Variants in KPNA3 observed in about 807,000 individuals in gnomAD.
KPNA3 encodes karyopherin subunit alpha 3, also known as importin subunit alpha-4.
A neutral mutation model predicts 73.8 loss-of-function variants in KPNA3; 13 were observed. The ratio of observed to expected loss-of-function variants is 0.18; its 90% CI spans 0.11 to 0.28. The LOEUF (loss-of-function observed/expected upper bound fraction) is 0.28, where lower values mean the gene tolerates loss of function less well. KPNA3 is among the 10% of genes least tolerant of loss of function. The probability of loss-of-function intolerance (pLI) is 1.00; values close to 1 mark genes in which losing one functional copy is unlikely to be tolerated. For missense variants in KPNA3, 360 were observed against 618.1 expected, an observed-to-expected ratio of 0.58 and a Z score of 4.43; for synonymous variants, 186 against 206.9, an observed-to-expected ratio of 0.90 and a Z score of 0.87.
At chr13:49,763,441 G>A (rs537580706) in intron 1 of KPNA3, among the ~76,000 whole-genome samples, 1 of 152,234 alleles carries the variant, frequency 6.6e-6, no homozygotes, top group Admixed American at 6.5e-5. Context: ...ATACAAAACA[G>A]TGTTTGTTTG....
At chr13:49,732,858 TTTCA>T (rs1171076144) in intron 3 of KPNA3, 82 bp from the exon 4 acceptor site, 6 of 1,310,834 alleles carry the variant, frequency 4.6e-6, no homozygotes, top group Non-Finnish European at 5.4e-6. Flanking sequence ...GTTAATATAC[TTTCA>T]TTATCATTAT....
intron 2 of KPNA3, among the ~76,000 whole-genome samples, chr13:49,740,652 CCT>C (rs1373424667): frequency 2.0e-5 from 3 of 152,116 alleles, no homozygotes; most frequent in African/African-American, 4.8e-5. Context: ...GTCCAATAAA[CCT>C]CTTTCTTTTG....
At chr13:49,738,398 T>C (rs143714459) in intron 2 of KPNA3, among the ~76,000 whole-genome samples, 2 of 152,346 alleles carry the variant, frequency 1.3e-5, no homozygotes, top group Non-Finnish European at 2.9e-5. Flanking sequence ...AATATCTTGG[T>C]TGAATTTCAA....
intron 1 of KPNA3, among the ~76,000 whole-genome samples, chr13:49,791,915 C>T (rs143018043): frequency 1.1e-3 from 163 of 152,298 alleles, no homozygotes; most frequent in African/African-American, 3.8e-3. Context: ...CTGGTCCCCA[C>T]CCCCCTCTGC....
At chr13:49,740,761 C>T (rs61961465) in intron 2 of KPNA3, among the ~76,000 whole-genome samples, 3,965 of 152,192 alleles carry the variant, frequency 0.026, 70 homozygotes, top group Middle Eastern at 0.054. Flanking sequence ...TCCCTCCTAT[C>T]TAACTGAAAT....
At chr13:49,762,291 G>A (rs1320952010) in intron 1 of KPNA3, among the ~76,000 whole-genome samples, 1 of 146,230 alleles carries the variant, frequency 6.8e-6, no homozygotes, top group Non-Finnish European at 1.5e-5. Context: ...GGAGGTGGGG[G>A]GTGCCTCTGC....
At chr13:49,713,674 C>CACACAAAAAA (rs563909268) in intron 10 of KPNA3, among the ~76,000 whole-genome samples, 2 of 141,896 alleles carry the variant, frequency 1.4e-5, no homozygotes, top group Non-Finnish European at 3.1e-5. Flanking sequence ...CACACACACA[C>CACACAAAAAA]AAAACAGAAA....
At chr13:49,732,293 G>C in intron 6 of KPNA3, 78 bp downstream of exon 6, 2 of 629,464 alleles carry the variant, frequency 3.2e-6, no homozygotes, top group Non-Finnish European at 2.8e-6. Flanking sequence ...AAACCAAACT[G>C]AACTCACTGG....
At position 49,733,282 on chromosome 13, in the gene KPNA3, G is replaced by GTTTTTTT. The variant is rs760449062; in HGVS notation, c.115-243_115-237dup. Among the ~76,000 whole-genome samples the GTTTTTTT allele has an allele frequency of 5.5e-3, 559 of 100,858 alleles. 19 individuals carry two copies. The highest frequency in any genetic ancestry group is 0.014 in the Middle Eastern group (2 of 138). The allele number at this position is 100,858 out of a possible 152,430, so 66.2% of individuals were successfully genotyped here. ...CACTTCATTAAGCACCCACTGTGGT[G>GTTTTTTT]TTTTTTTTTTTTTTTTTTTTTGGAG... is the stretch of plus-strand genomic sequence containing the variant. On this transcript the variant is annotated intron_variant, in intron 2 of 16. Coordinates refer to ENST00000261667, the MANE Select transcript of KPNA3 (RefSeq NM_002267.4).
At chr13:49,775,166 AAAAAAAAAAAAAAAAAAAAAG>A (rs1198940698) in intron 1 of KPNA3, among the ~76,000 whole-genome samples, 1 of 70,046 alleles carries the variant, frequency 1.4e-5, no homozygotes, top group African/African-American at 4.3e-5. Context: ...CTGTCTCAAA[AAAAAAAAAAAAAAAAAAAAAG>A]AAAAAAGAAA....
chr13:49,706,474 C>T lies in KPNA3; in HGVS notation c.1033-102G>A, dbSNP rs962754031. On this transcript the variant is annotated intron_variant, in intron 12 of 16. Coordinates refer to ENST00000261667, the MANE Select transcript of KPNA3 (RefSeq NM_002267.4). ...GACAATAACAAAATCACCTGAATTA[C>T]GTTAAAGAGACTGCACCTAAAAAGT... The T allele has an allele frequency of 2.3e-5, 17 of 749,782 alleles. No homozygotes were observed. In the East Asian group the frequency reaches 3.3e-4, roughly 15 times the overall value. 46.4% of individuals were successfully genotyped at this position (749,782 alleles called of 1,614,324 possible). A position where few individuals can be genotyped will look rare whatever the true frequency, so the allele number is the denominator to read the frequency against.
intron 1 of KPNA3, among the ~76,000 whole-genome samples, chr13:49,763,782 A>C (rs1303983607): frequency 1.3e-5 from 2 of 152,170 alleles, no homozygotes; most frequent in East Asian, 3.9e-4. Flanking sequence ...AACTACAAAA[A>C]TTAGCTGGGT....
rs773285455 is a variant in KPNA3, at chr13:49,705,653, C to G, written c.1340G>C (p.Ser447Thr). 12 of 1,614,078 alleles carry G rather than the reference C, an allele frequency of 7.4e-6. No homozygotes were observed. The South Asian group carries it at 1.2e-4, about 16-fold the overall frequency. Residue 447 changes from serine (S) to threonine (T), a missense_variant, in exon 15 of 17, where the codon AGC (serine) becomes ACC (threonine). By Grantham distance (58) the Ser-to-Thr change is moderately conservative. Coordinates refer to ENST00000261667, the MANE Select transcript of KPNA3 (RefSeq NM_002267.4). Reference protein sequence around the residue: ...NILIMAGDEASTIAEIIEECG... With the variant: ...NILIMAGDEATTIAEIIEECG... ...TTCCTCTATTATTTCAGCTATTGTG[C>G]TTGCTTCATCACCGGCCATTATCAG...
intron 1 of KPNA3, among the ~76,000 whole-genome samples, chr13:49,755,073 A>G (rs549834092): frequency 2.6e-5 from 4 of 152,200 alleles, no homozygotes; most frequent in East Asian, 3.9e-4. Context: ...ATTAAAAAAA[A>G]AAGAAGAAAA....
chr13:49,719,686 G>T, intron 10 of KPNA3, 89 bp downstream of exon 10: 2 of 874,344 alleles, frequency 2.3e-6, no homozygotes, highest in Non-Finnish European at 3.8e-6. Flanking sequence ...AACTTGACAA[G>T]TTGATAAAAT....
At chr13:49,745,872 G>A (rs1456945487) in intron 2 of KPNA3, among the ~76,000 whole-genome samples, 4 of 151,122 alleles carry the variant, frequency 2.6e-5, no homozygotes, top group South Asian at 4.2e-4. Flanking sequence ...GACCATCCTG[G>A]CTAACACGGT....
intron 2 of KPNA3, among the ~76,000 whole-genome samples, chr13:49,734,954 TAGAGAG>T (rs10675449): frequency 4.1e-5 from 6 of 145,838 alleles, no homozygotes; most frequent in Non-Finnish European, 6.0e-5. Context: ...GAGAGATAGA[TAGAGAG>T]AGAGAGAGAG....
chr13:49,760,683 C>G (rs1414685326), intron 1 of KPNA3, among the ~76,000 whole-genome samples: 1 of 152,136 alleles, frequency 6.6e-6, no homozygotes, highest in Non-Finnish European at 1.5e-5. Flanking sequence ...GCACTGAGCT[C>G]GTCCCTCTTC....
At chr13:49,788,321 T>C (rs1195054141) in intron 1 of KPNA3, among the ~76,000 whole-genome samples, 4 of 152,248 alleles carry the variant, frequency 2.6e-5, no homozygotes, top group Admixed American at 1.3e-4. Context: ...TAATTATTCA[T>C]TAAACAGAAC....
Sources: allele counts gnomAD v4.1 joint callset (sites outside exome capture counted in the v4.1 genomes callset), GRCh38; gene constraint gnomAD v4.1.1; transcripts MANE v1.5; gene names NCBI Gene and HGNC (gene_info 2026-07-23, HGNC 2026-07-21).